NELFCD: variants seen among roughly 807,000 people sequenced by gnomAD.
NELFCD encodes negative elongation factor C/D.
Under a neutral mutation model 72.9 loss-of-function variants are expected in NELFCD, and 48 were observed. The observed-to-expected ratio is 0.66, with a 90% CI of 0.52 to 0.84. The LOEUF is 0.84. NELFCD is among the 40% of genes least tolerant of loss of function. The pLI is 0.00. For missense variants in NELFCD, 538 were observed against 723.8 expected (o/e 0.74, Z 2.94); for synonymous variants, 297 against 280.6 (o/e 1.06, Z -0.59).
At chr20:58,984,821 C>T (rs2091761005) in intron 1 of NELFCD, among the ~76,000 whole-genome samples, 1 of 152,142 alleles carries the variant, frequency 6.6e-6, no homozygotes. Flanking sequence ...GTGGAAGAGG[C>T]AGGTAGGTGA....
chr20:58,990,137 C>T (rs1306041122), intron 7 of NELFCD, 149 bp downstream of exon 7: 3 of 1,055,444 alleles, frequency 2.8e-6, no homozygotes, highest in East Asian at 2.6e-5. Context: ...TGGCTCACGC[C>T]TGTAATCCCA....
In NELFCD at chr20:58,986,505, A is replaced by ATT. The variant is rs2091773615; in HGVS notation, c.177-245_177-244dup. 7 of 554,220 alleles carry ATT rather than the reference A, an allele frequency of 1.3e-5. No homozygotes were observed. In the East Asian group the frequency reaches 2.2e-4, roughly 18 times the overall value. 34.3% of individuals were successfully genotyped at this position (554,220 alleles called of 1,614,324 possible). ...CAGGCGTCTGCCATCATGCCTGGCTATTTTTGTTTTTGTTTTTTGGGAGAG... is the reference window on the plus strand; with the variant it reads ...CAGGCGTCTGCCATCATGCCTGGCTATTTTTTTGTTTTTGTTTTTTGGGAGAG... On this transcript the variant is annotated intron_variant, in intron 2 of 14. Transcript: ENST00000652272. The surrounding 1 kb of genome is among the most constrained non-coding windows in gnomAD (Gnocchi z 4.4).
chr20:58,984,431 T>A (rs2091758268), intron 1 of NELFCD, among the ~76,000 whole-genome samples: 2 of 151,640 alleles, frequency 1.3e-5, no homozygotes, highest in African/African-American at 4.8e-5. Context: ...ATACAAAAAA[T>A]AAGGAAGAGC....
rs576183437 is a variant in NELFCD, at chr20:58,990,135, G to A, written c.788+147G>A. ...CTTTTGGCTGGGCGTGGTGGCTCAC[G>A]CCTGTAATCCCAGCACTTTGGGAGG... On this transcript the variant is annotated intron_variant, in intron 7 of 14. Coordinates refer to ENST00000652272, the MANE Select transcript of NELFCD (RefSeq NM_198976.4). The A allele has an allele frequency of 4.6e-4, 490 of 1,072,624 alleles. 5 individuals are homozygous for A. In the South Asian group the frequency reaches 5.5e-3, roughly 12 times the overall value. The allele number at this position is 1,072,624 out of a possible 1,614,324, so 66.4% of individuals were successfully genotyped here. A position where few individuals can be genotyped will look rare whatever the true frequency, so the allele number is the denominator to read the frequency against.
chr20:58,994,088 C>A, intron 13 of NELFCD, 22 bp from the exon 14 acceptor site: 1 of 1,613,074 alleles, frequency 6.2e-7, no homozygotes, highest in South Asian at 1.1e-5. Flanking sequence ...CGGAAGAAGT[C>A]ACCCTGTGCT....
Position 58,986,075 on chromosome 20 carries a change from C to G in NELFCD, c.61-18C>G, listed in dbSNP as rs1272022353. On this transcript the variant is annotated intron_variant, in intron 1 of 14. Transcript: ENST00000652272. This position sits in a 1 kb window ranked among gnomAD's most constrained non-coding sequence, Gnocchi z 4.4. ...TATTAATGAAAAAAATATCCTGGCT[C>G]TTCGCATTTACCAACAGCAGGAGGA... 2 of 1,550,140 alleles carry G rather than the reference C, an allele frequency of 1.3e-6. No homozygotes were observed. Among genetic ancestry groups the G allele is most frequent in the Middle Eastern group, 1.7e-4 (1 of 5,954 alleles).
intron 1 of NELFCD, among the ~76,000 whole-genome samples, chr20:58,984,160 A>T (rs183034888): frequency 6.6e-6 from 1 of 152,290 alleles, no homozygotes; most frequent in African/African-American, 2.4e-5. Flanking sequence ...GGTGGAAACT[A>T]AGAGCTGCAG....
chr20:58,985,655 T>C (rs555728593), intron 1 of NELFCD, among the ~76,000 whole-genome samples: 84 of 152,354 alleles, frequency 5.5e-4, no homozygotes, highest in African/African-American at 1.8e-3. Context: ...CAGTGGCATG[T>C]ATGAAATAAG....
Position 58,992,848 on chromosome 20 carries a change from C to CAA in NELFCD, c.1230-133_1230-132dup, listed in dbSNP as rs371549496. 8.2e-3 allele frequency: 3,392 copies of CAA among 416,186 alleles called. 8 individuals are homozygous for CAA. Among genetic ancestry groups the CAA allele is most frequent in the African/African-American group, 0.017 (567 of 33,038 alleles). The allele number at this position is 416,186 out of a possible 1,614,324, so 25.8% of individuals were successfully genotyped here. On this transcript the variant is annotated intron_variant, in intron 10 of 14. Transcript: ENST00000652272. Reference sequence around the variant, plus strand: ...TGGAAGACAGAGTGAGACCCTGTCTCAAAAAAAAAAAAAAAAAAGGGTTGG... The same window carrying CAA: ...TGGAAGACAGAGTGAGACCCTGTCTCAAAAAAAAAAAAAAAAAAAAGGGTTGG...
At chr20:58,985,866 G>A (rs528140261) in intron 1 of NELFCD, among the ~76,000 whole-genome samples, 44 of 152,214 alleles carry the variant, frequency 2.9e-4, no homozygotes, top group African/African-American at 1.0e-3. Context: ...AGCATGGAAC[G>A]CGGTTTGCCA....
intron 4 of NELFCD, 109 bp downstream of exon 4, chr20:58,987,926 T>A (rs554159880): frequency 2.5e-6 from 2 of 788,850 alleles, no homozygotes; most frequent in Admixed American, 2.2e-5. Flanking sequence ...AGTTGAGGAC[T>A]AAAATCAGAG....
Position 58,993,789 on chromosome 20 carries a change from T to C in NELFCD, c.1581+25T>C. The stretch of plus-strand genomic sequence containing the variant: ...GGTCAGCAATGCACCGTTGGTTTCA[T>C]GTTTCATACTGTTTACACTAGCACT... On this transcript the variant is annotated intron_variant, in intron 13 of 14. Transcript: ENST00000652272. The surrounding 1 kb of genome is among the most constrained non-coding windows in gnomAD (Gnocchi z 5.0). The C allele has an allele frequency of 4.3e-6, 7 of 1,611,722 alleles. No individual in the cohort carries two copies. Among genetic ancestry groups the C allele is most frequent in the South Asian group, 1.1e-5 (1 of 90,914 alleles).
chr20:58,985,786 T>G (rs2091767477), intron 1 of NELFCD, among the ~76,000 whole-genome samples: 1 of 152,198 alleles, frequency 6.6e-6, no homozygotes, highest in Admixed American at 6.5e-5. Context: ...CAAATGGGAA[T>G]AGGCGTTATT....
chr20:58,990,709 G>A, intron 7 of NELFCD: 1 of 540,176 alleles, frequency 1.9e-6, no homozygotes, highest in Non-Finnish European at 3.3e-6. Flanking sequence ...TTTAAAGTGT[G>A]TGACTCCTTT....
At position 58,989,598 on chromosome 20, in the gene NELFCD, T is replaced by C. The variant is rs1569058467; in HGVS notation, c.615T>C (p.Asp205=). 6.2e-7 allele frequency: 1 copy of C among 1,614,222 alleles called. No homozygotes were observed. Among genetic ancestry groups the C allele is most frequent in the East Asian group, 2.2e-5 (1 of 44,884 alleles). Residue 205 remains aspartate (D), a synonymous_variant, in exon 6 of 15, where the codon GAT becomes GAC. Coordinates refer to ENST00000652272, the MANE Select transcript of NELFCD (RefSeq NM_198976.4). ...GGACCTCTCTAGCTACAATTTTAGA[T>C]GGAGGAGAAGAAAACCTTGAAAAAA... The part of the protein sequence containing the change: ...VLRTSLATIL[D]GGEENLEKNL...
intron 4 of NELFCD, among the ~76,000 whole-genome samples, chr20:58,988,514 GAA>G (rs1229486346): frequency 6.6e-6 from 1 of 152,228 alleles, no homozygotes; most frequent in Non-Finnish European, 1.5e-5. Context: ...AGAGCTGAGA[GAA>G]ATGTTTTTCT....
chr20:58,992,848 C>CAAAA (rs371549496), intron 10 of NELFCD, 150 bp from the exon 11 acceptor site: 82 of 417,932 alleles, frequency 2.0e-4, no homozygotes, highest in South Asian at 4.1e-4. Flanking sequence ...GACCCTGTCT[C>CAAAA]AAAAAAAAAA....
In NELFCD at chr20:58,990,940, C is replaced by T. The variant is rs1389283029; in HGVS notation, c.819C>T (p.Ala273=). Residue 273 remains alanine, a synonymous_variant, in exon 8 of 15, where the codon GCC becomes GCT. Coordinates refer to ENST00000652272, the MANE Select transcript of NELFCD (RefSeq NM_198976.4). Reference sequence around the variant, plus strand: ...ATGACGCCAGTCAGATCACACTAGCCTTGGGCACAGCTGCCTCCTACCCCA... The same window carrying T: ...ATGACGCCAGTCAGATCACACTAGCTTTGGGCACAGCTGCCTCCTACCCCA... The part of the protein sequence containing the change: ...KGHDASQITL[A]LGTAASYPRA... 2 of 1,614,198 alleles carry T rather than the reference C, an allele frequency of 1.2e-6. No homozygotes were observed. Among genetic ancestry groups the T allele is most frequent in the Non-Finnish European group, 1.7e-6 (2 of 1,180,034 alleles).
chr20:58,989,640 C>T lies in NELFCD; in HGVS notation c.657C>T (p.Ala219=), dbSNP rs17851253. The T allele has an allele frequency of 0.094, 152,210 of 1,613,948 alleles. 8,067 individuals are homozygous for T. Among genetic ancestry groups the T allele is most frequent in the Non-Finnish European group, 0.1 (121,198 of 1,179,898 alleles). The change falls in exon 6 of 15, where the codon GCC becomes GCT. Residue 219 remains alanine (A), a splice_region_variant and synonymous_variant. Transcript: ENST00000652272. ...TTGAAAAAAATCTCCCTGAGTTTGC[C>T]GTAAGTTCTTTCTTTATGAACCTCA... ...ENLEKNLPEF[A]KMVCHGEHTY... is the part of the protein sequence containing the mutation.
Sources: allele counts gnomAD v4.1 joint callset (sites outside exome capture counted in the v4.1 genomes callset), GRCh38; gene constraint gnomAD v4.1.1; non-coding constraint Gnocchi (gnomAD v3.1); transcripts MANE v1.5; gene names NCBI Gene and HGNC (gene_info 2026-07-23, HGNC 2026-07-21).